The following RAB2A variants were observed in gnomAD, a reference collection of about 807,000 sequenced individuals.
The protein encoded by RAB2A is ras-related protein Rab-2A.
A neutral mutation model predicts 32.5 loss-of-function variants in RAB2A; 7 were observed. That is an observed-to-expected ratio of 0.22 (90% CI 0.12 to 0.40). The LOEUF (loss-of-function observed/expected upper bound fraction) is 0.40. Ranked by LOEUF, RAB2A falls within the 10% of genes least tolerant of loss-of-function variation. RAB2A has a pLI of 1.00. For missense variants in RAB2A, 108 were observed against 260.7 expected (o/e 0.41, Z 4.03); for synonymous variants, 79 against 85.2 (o/e 0.93, Z 0.40).
At chr8:60,618,973 T>G (rs1415787575) in intron 7 of RAB2A, 2 of 152,660 alleles carry the variant, frequency 1.3e-5, no homozygotes, top group Non-Finnish European at 1.5e-5. Context: ...TTTATCCACA[T>G]GACCATATGG....
At position 60,572,398 on chromosome 8, in the gene RAB2A, C is replaced by A. The variant is rs116642631; in HGVS notation, c.186+285C>A. 3.7e-3 allele frequency among the ~76,000 whole-genome samples: 557 copies of A among 152,184 alleles called. 5 individuals carry two copies. Among genetic ancestry groups the A allele is most frequent in the African/African-American group, 0.013 (536 of 41,534 alleles). ...AAACTGTATTTTTAAGAAAAACAAT[C>A]AGCATGTCTCAAGTACACATAGGAA... On this transcript the variant is annotated intron_variant, in intron 3 of 7. Coordinates refer to ENST00000262646, the MANE Select transcript of RAB2A (RefSeq NM_002865.3).
Position 60,584,737 on chromosome 8 carries a change from A to G in RAB2A, c.284A>G (p.Asn95Ser). The G allele has an allele frequency of 6.2e-7, 1 of 1,612,160 alleles. No individual in the cohort carries two copies. The highest frequency in any genetic ancestry group is 8.5e-7 in the Non-Finnish European group (1 of 1,178,496). Reference sequence around the variant, plus strand: ...TTTATGTTTAGGAGAGATACATTCAACCACTTGACAACCTGGTTAGAAGAT... The same window carrying G: ...TTTATGTTTAGGAGAGATACATTCAGCCACTTGACAACCTGGTTAGAAGAT... ...VYDITRRDTFNHLTTWLEDAR... is the reference protein window; with the variant it reads ...VYDITRRDTFSHLTTWLEDAR... Residue 95 changes from asparagine to serine, a missense_variant, in exon 5 of 8, where the codon AAC becomes AGC. Coordinates refer to ENST00000262646, the MANE Select transcript of RAB2A (RefSeq NM_002865.3).
At chr8:60,620,596 G>A (rs1254281613) in intron 7 of RAB2A, 78 bp from the exon 8 acceptor site, 5 of 1,039,410 alleles carry the variant, frequency 4.8e-6, no homozygotes, top group Non-Finnish European at 7.3e-6. Flanking sequence ...GTATCATAAA[G>A]AATTAAATGA....
chr8:60,545,177 C>G (rs1295585704), intron 1 of RAB2A, among the ~76,000 whole-genome samples: 1 of 151,978 alleles, frequency 6.6e-6, no homozygotes, highest in African/African-American at 2.4e-5. Context: ...CAGTAGAATA[C>G]CCAGCACCTA....
chr8:60,545,651 C>T (rs1807715837), intron 1 of RAB2A, among the ~76,000 whole-genome samples: 1 of 152,132 alleles, frequency 6.6e-6, no homozygotes, highest in African/African-American at 2.4e-5. Context: ...ATATTCAGCT[C>T]TCACAATGGT....
intron 1 of RAB2A, among the ~76,000 whole-genome samples, chr8:60,538,031 C>T (rs1026054462): frequency 2.6e-5 from 4 of 152,164 alleles, no homozygotes; most frequent in African/African-American, 9.7e-5. Context: ...AGCCGTTTTC[C>T]ACTATTAAGA....
In RAB2A at chr8:60,549,089, G is replaced by A. The variant is rs540103177; in HGVS notation, c.47-9763G>A. ...TCACTTCCCAGATGTGATGGCGGCC[G>A]GGAAGAGGCGCTCCTCACTTCCTAG... On this transcript the variant is annotated intron_variant, in intron 1 of 7. Transcript: ENST00000262646. Among the ~76,000 whole-genome samples the A allele has an allele frequency of 8.7e-3, 1,319 of 151,296 alleles. 22 individuals carry two copies. Among genetic ancestry groups the A allele is most frequent in the Non-Finnish European group, 9.4e-3 (636 of 67,662 alleles).
In RAB2A at chr8:60,577,626, A is replaced by AT. The variant is rs35908258; in HGVS notation, c.186+5528dup. Among the ~76,000 whole-genome samples, 867 of 143,868 alleles carry AT rather than the reference A, an allele frequency of 6.0e-3. 9 individuals are homozygous for AT. The highest frequency in any genetic ancestry group is 0.016 in the African/African-American group (644 of 39,288). The allele number at this position is 143,868 out of a possible 152,430, so 94.4% of individuals were successfully genotyped here. ...TAGCAGTTCCTTGATAGAGGTCTAA[A>AT]TTTTTTTTTTTTTTTGAGACGGAGT... On this transcript the variant is annotated intron_variant, in intron 3 of 7. Transcript: ENST00000262646.
At chr8:60,589,757 A>G (rs978862935) in intron 5 of RAB2A, among the ~76,000 whole-genome samples, 1 of 152,198 alleles carries the variant, frequency 6.6e-6, no homozygotes, top group Non-Finnish European at 1.5e-5. Context: ...CACTAAGTAT[A>G]TCGTCAAGTA....
chr8:60,562,106 A>T (rs1808034255), intron 2 of RAB2A, among the ~76,000 whole-genome samples: 1 of 152,170 alleles, frequency 6.6e-6, no homozygotes, highest in Admixed American at 6.5e-5. Context: ...CCATTGCTTG[A>T]CATCTCTGCT....
intron 1 of RAB2A, among the ~76,000 whole-genome samples, chr8:60,555,527 G>A (rs1206836224): frequency 6.6e-6 from 1 of 151,930 alleles, no homozygotes; most frequent in Non-Finnish European, 1.5e-5. Context: ...AAAAAAATCT[G>A]ATTTAAAAAT....
intron 1 of RAB2A, among the ~76,000 whole-genome samples, chr8:60,530,144 CT>C (rs1270851648): frequency 0.088 from 9,139 of 104,056 alleles, 943 homozygotes; most frequent in African/African-American, 0.3. Flanking sequence ...ATTTTTTTTT[CT>C]TTTTTTTTTT....
At chr8:60,606,589 G>A (rs572728325) in intron 6 of RAB2A, among the ~76,000 whole-genome samples, 3 of 152,292 alleles carry the variant, frequency 2.0e-5, no homozygotes, top group South Asian at 2.1e-4. Context: ...GTTACTTAGC[G>A]GGAAGAATTT....
intron 3 of RAB2A, among the ~76,000 whole-genome samples, chr8:60,575,305 T>G (rs1808256116): frequency 6.6e-6 from 1 of 152,014 alleles, no homozygotes; most frequent in African/African-American, 2.4e-5. Context: ...TTGTTATGTT[T>G]CCCAGGCTGG....
intron 1 of RAB2A, among the ~76,000 whole-genome samples, chr8:60,518,623 AG>A (rs1807251815): frequency 1.4e-5 from 2 of 141,982 alleles, no homozygotes; most frequent in Non-Finnish European, 3.0e-5. Context: ...AAAAAAAAAA[AG>A]CATATTTATT....
At chr8:60,555,153 G>A (rs990177758) in intron 1 of RAB2A, among the ~76,000 whole-genome samples, 5 of 152,186 alleles carry the variant, frequency 3.3e-5, no homozygotes, top group African/African-American at 1.2e-4. Flanking sequence ...AAACTGGATA[G>A]CCATGTGCAG....
At chr8:60,578,987 G>T (rs1233502531) in intron 3 of RAB2A, among the ~76,000 whole-genome samples, 1 of 152,082 alleles carries the variant, frequency 6.6e-6, no homozygotes, top group African/African-American at 2.4e-5. Context: ...GACTTGTTCT[G>T]CTCTACTTTT....
intron 1 of RAB2A, among the ~76,000 whole-genome samples, chr8:60,538,844 A>G (rs1807595761): frequency 6.6e-6 from 1 of 152,208 alleles, no homozygotes; most frequent in African/African-American, 2.4e-5. Flanking sequence ...TTGGAGCAAG[A>G]AGGCAGTCAA....
chr8:60,543,449 C>T (rs1807678075), intron 1 of RAB2A, among the ~76,000 whole-genome samples: 1 of 148,454 alleles, frequency 6.7e-6, no homozygotes, highest in Non-Finnish European at 1.5e-5. Flanking sequence ...TCTTCATTCA[C>T]TTTGCTTTCT....
Sources: gnomAD v4.1 joint callset for allele counts (sites outside exome capture counted in the v4.1 genomes callset) on GRCh38, gnomAD v4.1.1 for gene constraint, MANE v1.5 for transcripts, NCBI Gene and HGNC (gene_info 2026-07-23, HGNC 2026-07-21) for gene names.